Variants in EIF2AK3 observed in about 807,000 individuals in gnomAD.
EIF2AK3 encodes the protein eukaryotic translation initiation factor 2-alpha kinase 3.
EIF2AK3 carries 50 observed loss-of-function variants against 113.5 expected under a neutral mutation model. That is an observed-to-expected ratio of 0.44 (90% confidence interval 0.35 to 0.56). EIF2AK3 has a LOEUF of 0.56. Among genes scored for constraint, EIF2AK3 ranks in the 20% least tolerant of loss-of-function variants. The probability of loss-of-function intolerance (pLI) is 0.00; values close to 1 mark genes in which losing one functional copy is unlikely to be tolerated. For missense variants in EIF2AK3, 1,185 were observed against 1,378.0 expected, an observed-to-expected ratio of 0.86 and a Z score of 2.22; for synonymous variants, 448 against 495.4, an observed-to-expected ratio of 0.90 and a Z score of 1.27.
chr2:88,606,550 T>C (rs1675284487), intron 2 of EIF2AK3, among the ~76,000 whole-genome samples: 1 of 152,204 alleles, frequency 6.6e-6, no homozygotes, highest in African/African-American at 2.4e-5. Context: ...ACTGCCATCT[T>C]AGATGACACA....
chr2:88,615,391 T>G (rs1327970782), intron 1 of EIF2AK3, among the ~76,000 whole-genome samples: 1 of 152,240 alleles, frequency 6.6e-6, no homozygotes, highest in Non-Finnish European at 1.5e-5. Context: ...AGTTGAAACC[T>G]AATCCCCAAG....
intron 2 of EIF2AK3, among the ~76,000 whole-genome samples, chr2:88,606,793 T>C (rs1307422478): frequency 6.6e-6 from 1 of 152,096 alleles, no homozygotes; most frequent in Non-Finnish European, 1.5e-5. Flanking sequence ...TAGTCTGATA[T>C]GGGGAGGGGG....
At position 88,611,693 on chromosome 2, in the gene EIF2AK3, C is replaced by T. The variant is rs375336241; in HGVS notation, c.438+2031G>A. Among the ~76,000 whole-genome samples, 45 of 152,192 alleles carry T rather than the reference C, an allele frequency of 3.0e-4. No homozygotes were observed. The South Asian group carries it at 7.5e-3, about 25-fold the overall frequency. ...TCGCCTGGGCTGGTGCACAGTGGCA[C>T]GATCTTGGCTCGCTGCAACCTCCGC... On this transcript the variant is annotated intron_variant, in intron 2 of 16. Transcript: ENST00000303236.
chr2:88,586,877 C>A (rs1674744136), intron 8 of EIF2AK3, among the ~76,000 whole-genome samples: 1 of 151,276 alleles, frequency 6.6e-6, no homozygotes, highest in Non-Finnish European at 1.5e-5. Context: ...CAGGCATGAG[C>A]CACCACTCCC....
intron 2 of EIF2AK3, among the ~76,000 whole-genome samples, chr2:88,598,406 C>A (rs1257805946): frequency 1.3e-5 from 2 of 152,144 alleles, no homozygotes; most frequent in East Asian, 3.9e-4. Flanking sequence ...GGAGATAATA[C>A]CTTGATTGGA....
chr2:88,593,163 C>T (rs1462741875), intron 4 of EIF2AK3, 109 bp downstream of exon 4: 4 of 1,324,624 alleles, frequency 3.0e-6, no homozygotes, highest in Non-Finnish European at 4.3e-6. Context: ...TATATATATG[C>T]TTTTAAGGCA....
At position 88,588,086 on chromosome 2, in the gene EIF2AK3, G is replaced by C. The variant is rs748913188; in HGVS notation, c.1325C>G (p.Pro442Arg). The C allele has an allele frequency of 1.3e-6, 2 of 1,499,796 alleles. No homozygotes were observed. Among genetic ancestry groups the C allele is most frequent in the African/African-American group, 1.4e-5 (1 of 72,580 alleles). The allele number at this position is 1,499,796 out of a possible 1,614,324, so 92.9% of individuals were successfully genotyped here. Reference protein sequence around the residue: ...KPLIHSPSRTPVLVGSDEFDK... With the variant: ...KPLIHSPSRTRVLVGSDEFDK... ...AAATTCATCAGATCCTACCAAGACA[G>C]GAGTTCTGGAAGGAGAATCTAAAAG... The change falls in exon 8 of 17, where the codon CCT (proline) becomes CGT (arginine). Residue 442 changes from proline to arginine, a missense_variant. Physicochemically the swap from Pro to Arg is moderately radical, Grantham distance 103 (BLOSUM62 -2). Coordinates refer to ENST00000303236, the MANE Select transcript of EIF2AK3 (RefSeq NM_004836.7).
intron 3 of EIF2AK3, among the ~76,000 whole-genome samples, chr2:88,594,342 G>A (rs777660425): frequency 2.0e-5 from 3 of 152,098 alleles, no homozygotes; most frequent in African/African-American, 7.2e-5. Context: ...ACAGGCGTGC[G>A]TGCGCCACCA....
rs576559194 is a variant in EIF2AK3, at chr2:88,565,437, C to T, written c.2986-3047G>A. ...CTCACTGCAACCTCCACCTCCCAGC[C>T]TCAAGCGATCCTTTCTACTTCAGTC... On this transcript the variant is annotated intron_variant, in intron 14 of 16. Transcript: ENST00000303236. Among the ~76,000 whole-genome samples, 16 of 151,936 alleles carry T rather than the reference C, an allele frequency of 1.1e-4. No homozygotes were observed. The South Asian group carries it at 2.1e-3, about 20-fold the overall frequency.
chr2:88,576,987 C>CT lies in EIF2AK3; in HGVS notation c.1887-285dup, dbSNP rs765445450. On this transcript the variant is annotated intron_variant, in intron 11 of 16. Transcript: ENST00000303236. Reference sequence around the variant, plus strand: ...AACAGATGAGTTAGCCTAGGTTATACTTTTTTTTTTTTTTGAGACAGGGTC... The same window carrying CT: ...AACAGATGAGTTAGCCTAGGTTATACTTTTTTTTTTTTTTTGAGACAGGGTC... Among the ~76,000 whole-genome samples, 6,062 of 143,988 alleles carry CT rather than the reference C, an allele frequency of 0.042. 367 individuals are homozygous for CT. Among genetic ancestry groups the CT allele is most frequent in the African/African-American group, 0.14 (5,607 of 39,624 alleles). 94.5% of individuals were successfully genotyped at this position (143,988 alleles called of 152,430 possible). A position where few individuals can be genotyped will look rare whatever the true frequency, so the allele number is the denominator to read the frequency against.
intron 2 of EIF2AK3, among the ~76,000 whole-genome samples, chr2:88,613,505 C>T (rs993492513): frequency 6.6e-6 from 1 of 152,144 alleles, no homozygotes; most frequent in Non-Finnish European, 1.5e-5. Context: ...GATTAACTCA[C>T]TTAATGCCCC....
At chr2:88,577,060 T>C (rs1280141923) in intron 11 of EIF2AK3, among the ~76,000 whole-genome samples, 4 of 151,984 alleles carry the variant, frequency 2.6e-5, no homozygotes, top group Non-Finnish European at 5.9e-5. Flanking sequence ...CTCGGCTCTC[T>C]GCAACCTCCG....
At position 88,562,385 on chromosome 2, in the gene EIF2AK3, A is replaced by T. The variant is rs758752139; in HGVS notation, c.2991T>A (p.His997Gln). ...TKLYMSPEQI[H>Q]GNSYSHKVDI... ...CCACTTTATGAGAATAGCTGTTTCC[A>T]TGAATCTGAAATCCCACATAAAGAA... The change falls in exon 15 of 17, where the codon CAT becomes CAA. Residue 997 changes from histidine to glutamine, a missense_variant. Around this residue, in one of 3 missense-constraint regions of EIF2AK3, gnomAD observed 877 missense variants for 1,024.2 expected, o/e 0.86. Coordinates refer to ENST00000303236, the MANE Select transcript of EIF2AK3 (RefSeq NM_004836.7). 1.9e-6 allele frequency: 3 copies of T among 1,613,346 alleles called. No homozygotes were observed. The South Asian group carries it at 3.3e-5, about 18-fold the overall frequency.
intron 2 of EIF2AK3, among the ~76,000 whole-genome samples, chr2:88,602,597 A>C (rs908494513): frequency 1.3e-5 from 2 of 152,220 alleles, no homozygotes; most frequent in Non-Finnish European, 2.9e-5. Context: ...CCCAGAGAGC[A>C]TTTCTAGGAT....
At chr2:88,586,852 A>G (rs62157773) in intron 8 of EIF2AK3, among the ~76,000 whole-genome samples, 34,581 of 150,530 alleles carry the variant, frequency 0.23, 4,426 homozygotes, top group Middle Eastern at 0.44. Context: ...TCAGCCTCCC[A>G]AAGTGCTGGG....
chr2:88,560,471 G>C (rs1673919192), intron 15 of EIF2AK3, among the ~76,000 whole-genome samples: 2 of 152,164 alleles, frequency 1.3e-5, no homozygotes, highest in South Asian at 2.1e-4. Flanking sequence ...GCTATTTGCA[G>C]GCATAATCAT....
intron 2 of EIF2AK3, among the ~76,000 whole-genome samples, chr2:88,602,535 T>C (rs1675181983): frequency 6.6e-6 from 1 of 152,100 alleles, no homozygotes; most frequent in African/African-American, 2.4e-5. Flanking sequence ...AAAACACCAA[T>C]TATCCTAGAA....
At chr2:88,561,116 T>C (rs1157632190) in intron 15 of EIF2AK3, among the ~76,000 whole-genome samples, 1 of 151,736 alleles carries the variant, frequency 6.6e-6, no homozygotes, top group Non-Finnish European at 1.5e-5. Context: ...TACCATGCCT[T>C]GCTAATTTTT....
chr2:88,595,940 A>C, intron 2 of EIF2AK3: 1 of 479,630 alleles, frequency 2.1e-6, no homozygotes, highest in Non-Finnish European at 3.8e-6. Context: ...CATGGGCCAA[A>C]AGGGTCCCAT....
Sources: allele counts gnomAD v4.1 joint callset (sites outside exome capture counted in the v4.1 genomes callset), GRCh38; gene constraint gnomAD v4.1.1; regional missense constraint gnomAD v4.1.1; transcripts MANE v1.5; gene names NCBI Gene and HGNC (gene_info 2026-07-23, HGNC 2026-07-21).